The following NOL4 variants were observed in gnomAD, a reference collection of about 807,000 sequenced individuals.
NOL4 encodes cancer/testis antigen 125.
A neutral mutation model predicts 75.9 loss-of-function variants in NOL4; 17 were observed. That is an observed-to-expected ratio of 0.22 (90% confidence interval 0.15 to 0.34). The LOEUF is 0.34. NOL4 is among the 10% of genes least tolerant of loss of function. The pLI, the probability that NOL4 is intolerant of heterozygous loss-of-function variation, is 1.00. For missense variants in NOL4, 614 were observed against 793.5 expected, an observed-to-expected ratio of 0.77 and a Z score of 2.72; for synonymous variants, 292 against 289.9, an observed-to-expected ratio of 1.01 and a Z score of -0.07.
At chr18:33,895,853 A>C (rs2065369357) in intron 9 of NOL4, among the ~76,000 whole-genome samples, 1 of 152,090 alleles carries the variant, frequency 6.6e-6, no homozygotes, top group South Asian at 2.1e-4. Flanking sequence ...TTATGAAGAG[A>C]GATTCAAACT....
chr18:34,136,716 C>T (rs118137899), intron 1 of NOL4, among the ~76,000 whole-genome samples: 43 of 152,124 alleles, frequency 2.8e-4, no homozygotes, highest in African/African-American at 8.9e-4. Flanking sequence ...ATACACCTTA[C>T]GTTTATAGAC....
chr18:34,045,795 T>G (rs957710082), intron 5 of NOL4, among the ~76,000 whole-genome samples: 1 of 152,160 alleles, frequency 6.6e-6, no homozygotes, highest in Admixed American at 6.6e-5. Flanking sequence ...TATCATAGTA[T>G]TGAATCAAAT....
intron 1 of NOL4, among the ~76,000 whole-genome samples, chr18:34,217,602 G>A (rs915862558): frequency 6.6e-6 from 1 of 151,924 alleles, no homozygotes; most frequent in South Asian, 2.1e-4. Flanking sequence ...TTTTAGCTCC[G>A]TGTTGCAATG....
At chr18:34,187,462 C>T (rs1279858980) in intron 1 of NOL4, among the ~76,000 whole-genome samples, 3 of 150,818 alleles carry the variant, frequency 2.0e-5, no homozygotes, top group African/African-American at 7.3e-5. Flanking sequence ...CCGCAAGCTC[C>T]GCCTCCCGGG....
rs1245129224 is a variant in NOL4 at position 34,224,767 on chromosome 18, CTGAG to C, written c.-1518_-1515del. On this transcript the variant is annotated 5_prime_UTR_variant, in exon 1 of 11. Transcript: ENST00000261592. ...GGTCAGTGGCTCCTGCTCGGCCAGG[CTGAG>C]TGTGTGCGTGTGTGTGAGCAAGGGA... 1.9e-5 allele frequency: 3 copies of C among 154,054 alleles called. No homozygotes were observed. In the East Asian group the frequency reaches 5.7e-4, roughly 29 times the overall value. The allele number at this position is 154,054 out of a possible 1,614,324, so 9.5% of individuals were successfully genotyped here.
intron 1 of NOL4, chr18:34,183,414 C>A (rs1463548560): frequency 6.6e-6 from 1 of 151,888 alleles, no homozygotes; most frequent in East Asian, 1.9e-4. Context: ...AGTAGAGCAA[C>A]TGACACACTA....
At chr18:33,911,381 C>T (rs1240492008) in intron 9 of NOL4, among the ~76,000 whole-genome samples, 1 of 152,030 alleles carries the variant, frequency 6.6e-6, no homozygotes, top group African/African-American at 2.4e-5. Flanking sequence ...TAGCCAGATG[C>T]TCACCCTCCT....
At chr18:33,897,544 A>C (rs2144923692) in intron 9 of NOL4, among the ~76,000 whole-genome samples, 1 of 152,302 alleles carries the variant, frequency 6.6e-6, no homozygotes, top group Middle Eastern at 3.4e-3. Flanking sequence ...GTTCTCACTT[A>C]TAAGCAGGAA....
chr18:34,079,192 G>T (rs899653885), intron 5 of NOL4, among the ~76,000 whole-genome samples: 5 of 152,018 alleles, frequency 3.3e-5, no homozygotes, highest in African/African-American at 9.7e-5. Context: ...TTGGAAGTGT[G>T]GGTTGGCAGA....
intron 1 of NOL4, among the ~76,000 whole-genome samples, chr18:34,200,754 G>T (rs1243762171): frequency 1.3e-5 from 2 of 151,652 alleles, no homozygotes; most frequent in Non-Finnish European, 3.0e-5. Context: ...GATCTGTTCA[G>T]ATGAAAAAAA....
intron 2 of NOL4, among the ~76,000 whole-genome samples, chr18:34,121,513 A>T (rs2080139220): frequency 6.6e-6 from 1 of 152,198 alleles, no homozygotes; most frequent in Admixed American, 6.5e-5. Flanking sequence ...AGCAGGCAAT[A>T]ATTAGCCATC....
intron 5 of NOL4, among the ~76,000 whole-genome samples, chr18:34,089,295 A>C (rs994458704): frequency 2.0e-5 from 3 of 152,124 alleles, no homozygotes; most frequent in African/African-American, 7.2e-5. Flanking sequence ...TTTAACTTAA[A>C]ATAATTTGTA....
At chr18:33,962,048 C>T (rs1006018038) in intron 6 of NOL4, among the ~76,000 whole-genome samples, 1 of 152,138 alleles carries the variant, frequency 6.6e-6, no homozygotes, top group Admixed American at 6.6e-5. Flanking sequence ...TACCAACCTT[C>T]TCTATGCTAA....
chr18:33,921,655 T>A (rs1034298695), intron 9 of NOL4, among the ~76,000 whole-genome samples: 2 of 152,120 alleles, frequency 1.3e-5, no homozygotes, highest in East Asian at 3.9e-4. Flanking sequence ...CAAAGAAGGA[T>A]CCTCCCCTAG....
At chr18:34,174,712 G>A (rs2033378892) in intron 1 of NOL4, among the ~76,000 whole-genome samples, 1 of 152,006 alleles carries the variant, frequency 6.6e-6, no homozygotes, top group Admixed American at 6.6e-5. Flanking sequence ...GGTGTGTGAT[G>A]TTCCCCTCCC....
intron 2 of NOL4, among the ~76,000 whole-genome samples, chr18:34,116,375 C>A (rs2079858746): frequency 6.6e-6 from 1 of 152,180 alleles, no homozygotes; most frequent in South Asian, 2.1e-4. Flanking sequence ...CAATGTTCTG[C>A]TTTTCGGAAG....
intron 3 of NOL4, among the ~76,000 whole-genome samples, chr18:34,104,393 TCCTG>T (rs1568346075): frequency 3.3e-5 from 5 of 152,034 alleles, no homozygotes; most frequent in African/African-American, 1.2e-4. Context: ...CTTTTAAACA[TCCTG>T]AATAACAATA....
At chr18:34,156,516 A>C (rs1285559029) in intron 1 of NOL4, 3 of 152,156 alleles carry the variant, frequency 2.0e-5, no homozygotes, top group Non-Finnish European at 4.4e-5. Context: ...GAACCATAAA[A>C]ATAGGATTTA....
intron 9 of NOL4, among the ~76,000 whole-genome samples, chr18:33,894,771 G>A (rs777260046): frequency 6.6e-6 from 1 of 152,076 alleles, no homozygotes; most frequent in Non-Finnish European, 1.5e-5. Context: ...GTATACTAAA[G>A]TTGAAATCAG....
Sources: allele counts gnomAD v4.1 joint callset (sites outside exome capture counted in the v4.1 genomes callset), GRCh38; gene constraint gnomAD v4.1.1; transcripts MANE v1.5; gene names NCBI Gene and HGNC (gene_info 2026-07-23, HGNC 2026-07-21).